GRIK4: variants seen among roughly 807,000 people sequenced by gnomAD.
The protein encoded by GRIK4 is glutamate ionotropic receptor kainate type subunit 4.
Under a neutral mutation model 104.9 loss-of-function variants are expected in GRIK4, and 40 were observed. That is an observed-to-expected ratio of 0.38 (90% CI 0.30 to 0.50). The LOEUF (loss-of-function observed/expected upper bound fraction) is 0.50. Ranked by LOEUF, GRIK4 falls within the 20% of genes least tolerant of loss-of-function variation. GRIK4 has a pLI of 0.93. For synonymous variants in GRIK4, 485 were observed against 524.9 expected (o/e 0.92, Z 1.04); for missense variants, 1,047 against 1,308.1 (o/e 0.80, Z 3.08).
intron 6 of GRIK4, among the ~76,000 whole-genome samples, chr11:120,825,787 G>A (rs1380752690): frequency 1.3e-5 from 2 of 152,218 alleles, no homozygotes; most frequent in African/African-American, 2.4e-5. Context: ...TGAGGTAATT[G>A]GATGGGAAAG....
intron 1 of GRIK4, among the ~76,000 whole-genome samples, chr11:120,578,637 A>G (rs955088103): frequency 6.6e-6 from 1 of 152,166 alleles, no homozygotes; most frequent in Non-Finnish European, 1.5e-5. Flanking sequence ...GGCACTCAGT[A>G]CAACTTGGTG....
chr11:120,539,891 A>C (rs1392304502), intron 1 of GRIK4, among the ~76,000 whole-genome samples: 1 of 152,182 alleles, frequency 6.6e-6, no homozygotes, highest in African/African-American at 2.4e-5. Context: ...AAGGTTACCC[A>C]CCAAATGCAA....
intron 13 of GRIK4, among the ~76,000 whole-genome samples, chr11:120,935,493 T>C (rs1461800739): frequency 2.0e-5 from 3 of 152,036 alleles, no homozygotes; most frequent in Admixed American, 2.0e-4. Context: ...GAGGTTGCAG[T>C]GAGCCAAGAT....
chr11:120,552,341 G>A (rs1394871475), intron 1 of GRIK4, among the ~76,000 whole-genome samples: 1 of 152,222 alleles, frequency 6.6e-6, no homozygotes, highest in Non-Finnish European at 1.5e-5. Flanking sequence ...GGTCACAGAA[G>A]TCTTCTGTGT....
chr11:120,625,531 A>T (rs1352906643), intron 1 of GRIK4, among the ~76,000 whole-genome samples: 1 of 151,982 alleles, frequency 6.6e-6, no homozygotes, highest in Non-Finnish European at 1.5e-5. Context: ...GCCTCTTCTC[A>T]CATCTGAGAT....
chr11:120,803,965 T>G (rs1317234160), intron 4 of GRIK4, among the ~76,000 whole-genome samples: 1 of 152,186 alleles, frequency 6.6e-6, no homozygotes, highest in African/African-American at 2.4e-5. Flanking sequence ...AGTCAATGGC[T>G]GAGCTGGTTC....
intron 8 of GRIK4, among the ~76,000 whole-genome samples, chr11:120,860,972 G>A (rs946636940): frequency 6.6e-6 from 1 of 151,988 alleles, no homozygotes; most frequent in African/African-American, 2.4e-5. Context: ...CTTGTATCCA[G>A]TGTGCTAACC....
chr11:120,534,027 C>T (rs1008768651), intron 1 of GRIK4, among the ~76,000 whole-genome samples: 1 of 152,178 alleles, frequency 6.6e-6, no homozygotes, highest in South Asian at 2.1e-4. Context: ...GTGGCCCTGA[C>T]ACAGGCTGGA....
intron 8 of GRIK4, among the ~76,000 whole-genome samples, chr11:120,837,561 A>T (rs1174250705): frequency 2.0e-5 from 3 of 152,190 alleles, no homozygotes; most frequent in African/African-American, 4.8e-5. Context: ...GTAGCTTAAG[A>T]AAACTTTTTC....
intron 6 of GRIK4, among the ~76,000 whole-genome samples, chr11:120,831,343 T>C (rs544209131): frequency 6.6e-6 from 1 of 152,358 alleles, no homozygotes; most frequent in South Asian, 2.1e-4. Context: ...GCCTGAGCCC[T>C]TCACACGTGG....
At chr11:120,596,892 T>C (rs974865776) in intron 1 of GRIK4, among the ~76,000 whole-genome samples, 2 of 152,070 alleles carry the variant, frequency 1.3e-5, no homozygotes, top group Admixed American at 1.3e-4. Flanking sequence ...ACCCAGCTAA[T>C]TTTTGTATTT....
intron 11 of GRIK4, among the ~76,000 whole-genome samples, chr11:120,881,433 G>A (rs753726263): frequency 1.3e-4 from 20 of 152,162 alleles, no homozygotes; most frequent in Non-Finnish European, 2.4e-4. Flanking sequence ...TGGAGAAACT[G>A]GCCAGGCAAT....
At chr11:120,542,108 A>G (rs747304655) in intron 1 of GRIK4, among the ~76,000 whole-genome samples, 30 of 152,216 alleles carry the variant, frequency 2.0e-4, no homozygotes, top group Admixed American at 7.9e-4. Context: ...ATAAAAACAC[A>G]CATAGACCAA....
chr11:120,665,874 C>T (rs1332169125), intron 3 of GRIK4, among the ~76,000 whole-genome samples: 1 of 152,138 alleles, frequency 6.6e-6, no homozygotes, highest in East Asian at 1.9e-4. Flanking sequence ...TTCAGGCTGG[C>T]ATGCTGTGGT....
At chr11:120,690,280 TG>T (rs1950337801) in intron 3 of GRIK4, among the ~76,000 whole-genome samples, 3 of 152,188 alleles carry the variant, frequency 2.0e-5, no homozygotes, top group Non-Finnish European at 4.4e-5. Context: ...CATGGTAAGA[TG>T]TTTGTGGGTA....
chr11:120,696,885 C>T lies in GRIK4; in HGVS notation c.82+36485C>T, dbSNP rs139550027. ...TGTCAGAGCCCAGAACAGGTCCAGC[C>T]CCTTCATTTTCCAGAAGATAAACTG... is the stretch of plus-strand genomic sequence containing the variant. On this transcript the variant is annotated intron_variant, in intron 3 of 20. Transcript: ENST00000527524. Among the ~76,000 whole-genome samples, 48 of 152,298 alleles carry T rather than the reference C, an allele frequency of 3.2e-4. 3 individuals are homozygous for T. The highest frequency in any genetic ancestry group is 1.1e-3 in the African/African-American group (45 of 41,554).
intron 1 of GRIK4, among the ~76,000 whole-genome samples, chr11:120,535,952 T>G (rs552977797): frequency 6.6e-6 from 1 of 152,326 alleles, no homozygotes; most frequent in Admixed American, 6.5e-5. Flanking sequence ...TGGTTCCTCC[T>G]GGCCATCTCG....
chr11:120,988,290 G>C lies in GRIK4; in HGVS notation c.*2030G>C, dbSNP rs761298644. Reference sequence around the variant, plus strand: ...TCGTGGAGAAACGTGGATTTGGTGGGAAGGGCACCCGAAGGCCAGCTGACA... The same window carrying C: ...TCGTGGAGAAACGTGGATTTGGTGGCAAGGGCACCCGAAGGCCAGCTGACA... On this transcript the variant is annotated 3_prime_UTR_variant, in exon 21 of 21. Transcript: ENST00000527524. 1 of 152,086 alleles carries C rather than the reference G, an allele frequency of 6.6e-6. No individual in the cohort carries two copies. Among genetic ancestry groups the C allele is most frequent in the Non-Finnish European group, 1.5e-5 (1 of 68,042 alleles). The allele number at this position is 152,086 out of a possible 1,614,324, so 9.4% of individuals were successfully genotyped here.
chr11:120,628,155 T>C (rs1949284778), intron 1 of GRIK4, among the ~76,000 whole-genome samples: 1 of 152,086 alleles, frequency 6.6e-6, no homozygotes, highest in Non-Finnish European at 1.5e-5. Context: ...TCCAGATGGC[T>C]CAAATGGGGT....
Sources: allele counts gnomAD v4.1 joint callset (sites outside exome capture counted in the v4.1 genomes callset), GRCh38; gene constraint gnomAD v4.1.1; transcripts MANE v1.5; gene names NCBI Gene and HGNC (gene_info 2026-07-23, HGNC 2026-07-21).